Variants in SGIP1 observed in about 807,000 individuals in gnomAD.
SGIP1 encodes SH3-containing GRB2-like protein 3-interacting protein 1.
A neutral mutation model predicts 107.5 loss-of-function variants in SGIP1; 38 were observed. The ratio of observed to expected loss-of-function variants is 0.35; its 90% confidence interval spans 0.27 to 0.46. The LOEUF (loss-of-function observed/expected upper bound fraction) is 0.46. Among genes scored for constraint, SGIP1 ranks in the 20% least tolerant of loss-of-function variants. The pLI, the probability that SGIP1 is intolerant of heterozygous loss-of-function variation, is 1.00. For synonymous variants in SGIP1, 365 were observed against 366.1 expected, an observed-to-expected ratio of 1.00 and a Z score of 0.03; for missense variants, 929 against 1,019.5, an observed-to-expected ratio of 0.91 and a Z score of 1.21.
chr1:66,739,235 C>T lies in SGIP1; in HGVS notation c.2032-100C>T, dbSNP rs183418320. On this transcript the variant is annotated intron_variant, in intron 21 of 24. Transcript: ENST00000371037. ...CACGCTTCACGGTGCCTCTCACTCA[C>T]GGTTGCTTGTGAGCAGCATAAACAA... 228 of 1,319,290 alleles carry T rather than the reference C, an allele frequency of 1.7e-4. No individual in the cohort carries two copies. In the African/African-American group the frequency reaches 2.5e-3, roughly 15 times the overall value. The allele number at this position is 1,319,290 out of a possible 1,614,324, so 81.7% of individuals were successfully genotyped here.
intron 8 of SGIP1, among the ~76,000 whole-genome samples, chr1:66,661,160 C>G (rs773499600): frequency 6.6e-6 from 1 of 152,122 alleles, no homozygotes; most frequent in Non-Finnish European, 1.5e-5. Flanking sequence ...TAGAGCAACA[C>G]GAGGAACAGA....
At chr1:66,693,986 C>T (rs1301925647) in intron 17 of SGIP1, among the ~76,000 whole-genome samples, 1 of 152,192 alleles carries the variant, frequency 6.6e-6, no homozygotes, top group Admixed American at 6.5e-5. Flanking sequence ...CATCTACTTT[C>T]CCCATGGGAG....
chr1:66,694,391 G>GT (rs1456285594), intron 17 of SGIP1: 1 of 1,522,070 alleles, frequency 6.6e-7, no homozygotes, highest in Non-Finnish European at 9.0e-7. Flanking sequence ...TTTGGGATTT[G>GT]TATTTGTGTT....
intron 17 of SGIP1, among the ~76,000 whole-genome samples, chr1:66,692,385 C>G (rs2090050749): frequency 6.6e-6 from 1 of 152,090 alleles, no homozygotes; most frequent in African/African-American, 2.4e-5. Flanking sequence ...CTGATTTAAT[C>G]TGTTTGATTT....
At chr1:66,690,087 A>AT in intron 16 of SGIP1, 103 bp from the exon 17 acceptor site, 1 of 1,336,340 alleles carries the variant, frequency 7.5e-7, no homozygotes, top group Non-Finnish European at 1.0e-6. Context: ...TATTCTTCAG[A>AT]TACCTAAGTT....
chr1:66,607,017 T>C (rs754155150), intron 1 of SGIP1, among the ~76,000 whole-genome samples: 3 of 152,182 alleles, frequency 2.0e-5, no homozygotes, highest in Non-Finnish European at 4.4e-5. Flanking sequence ...CCTAGAATCT[T>C]AAAAGACATA....
In SGIP1 at chr1:66,743,299, T is replaced by G; in HGVS notation, c.*204T>G. On this transcript the variant is annotated 3_prime_UTR_variant, in exon 25 of 25. Coordinates refer to ENST00000371037, the MANE Select transcript of SGIP1 (RefSeq NM_032291.4). ...CAGTATTTACTTCTAGGTGTAATAT[T>G]GTTAATGGTTTTAAAATGTAATTAT... 2.2e-6 allele frequency: 1 copy of G among 454,866 alleles called. No homozygotes were observed. 28.2% of individuals were successfully genotyped at this position (454,866 alleles called of 1,614,324 possible). A position where few individuals can be genotyped will look rare whatever the true frequency, so the allele number is the denominator to read the frequency against.
chr1:66,589,190 A>G (rs1570151581), intron 1 of SGIP1, among the ~76,000 whole-genome samples: 8 of 69,832 alleles, frequency 1.1e-4, no homozygotes, highest in Admixed American at 2.9e-4. Flanking sequence ...ATATATATAT[A>G]TATATATATA....
At chr1:66,556,737 A>T in intron 1 of SGIP1, among the ~76,000 whole-genome samples, 1 of 151,824 alleles carries the variant, frequency 6.6e-6, no homozygotes, top group Non-Finnish European at 1.5e-5. Context: ...ATCAGAAAGT[A>T]TTCTTTAAAG....
intron 2 of SGIP1, among the ~76,000 whole-genome samples, chr1:66,632,452 A>G (rs1190089820): frequency 6.6e-6 from 1 of 152,176 alleles, no homozygotes; most frequent in Admixed American, 6.5e-5. Flanking sequence ...TTTTTCATCT[A>G]GGAGGCAATT....
intron 18 of SGIP1, among the ~76,000 whole-genome samples, chr1:66,712,241 A>T (rs112950624): frequency 0.013 from 1,953 of 152,314 alleles, 44 homozygotes; most frequent in African/African-American, 0.044. Flanking sequence ...AAATGCCACA[A>T]CACCCCTGAG....
chr1:66,582,056 G>A (rs1471374577), intron 1 of SGIP1, among the ~76,000 whole-genome samples: 2 of 152,142 alleles, frequency 1.3e-5, no homozygotes, highest in Admixed American at 1.3e-4. Flanking sequence ...CTAGTTAGTG[G>A]TGATAACAGG....
chr1:66,576,582 C>A (rs958843233), intron 1 of SGIP1, among the ~76,000 whole-genome samples: 2 of 152,284 alleles, frequency 1.3e-5, no homozygotes, highest in African/African-American at 2.4e-5. Context: ...ATTACCTCAA[C>A]CTTTAATATT....
intron 1 of SGIP1, among the ~76,000 whole-genome samples, chr1:66,549,772 C>A (rs1272280228): frequency 6.6e-6 from 1 of 152,122 alleles, no homozygotes; most frequent in Non-Finnish European, 1.5e-5. Flanking sequence ...CCAACCCCTG[C>A]CAGCTTGCCT....
chr1:66,565,312 T>C (rs2059495272), intron 1 of SGIP1, among the ~76,000 whole-genome samples: 1 of 152,102 alleles, frequency 6.6e-6, no homozygotes, highest in Admixed American at 6.6e-5. Flanking sequence ...ATATGGGCTC[T>C]TATTTTTGAT....
In SGIP1 at chr1:66,750,003, C is replaced by CTCTCTTTA. The variant is rs367902209; in HGVS notation, c.*6913_*6914insTTATCTCT. ...CTCCTATCTAATTCATATTCTCTCT[C>CTCTCTTTA]TCTCTCTCTCTCTTTCTCTGTGTGT... On this transcript the variant is annotated 3_prime_UTR_variant, in exon 25 of 25. Transcript: ENST00000371037. Among the ~76,000 whole-genome samples the CTCTCTTTA allele has an allele frequency of 0.27, 40,861 of 150,782 alleles. 5,683 individuals carry two copies. The highest frequency in any genetic ancestry group is 0.31 in the South Asian group (1,485 of 4,724).
intron 12 of SGIP1, among the ~76,000 whole-genome samples, chr1:66,675,100 G>A (rs116200905): frequency 0.011 from 1,635 of 152,184 alleles, 34 homozygotes; most frequent in African/African-American, 0.037. Flanking sequence ...ATGACATATC[G>A]TATGGTGACT....
chr1:66,549,167 C>T (rs1028068576), intron 1 of SGIP1, among the ~76,000 whole-genome samples: 2 of 151,314 alleles, frequency 1.3e-5, no homozygotes, highest in Non-Finnish European at 3.0e-5. Flanking sequence ...TCCTTCCTTC[C>T]TTCCTTCCTT....
chr1:66,537,569 G>T (rs1373753936), intron 1 of SGIP1, among the ~76,000 whole-genome samples: 1 of 152,008 alleles, frequency 6.6e-6, no homozygotes, highest in African/African-American at 2.4e-5. Flanking sequence ...AAGGCGTTTT[G>T]CGTTTTTAGT....
Sources: gnomAD v4.1 joint callset for allele counts (sites outside exome capture counted in the v4.1 genomes callset) on GRCh38, gnomAD v4.1.1 for gene constraint, MANE v1.5 for transcripts, NCBI Gene and HGNC (gene_info 2026-07-23, HGNC 2026-07-21) for gene names.